Variants in SLC12A2 observed in about 807,000 individuals in gnomAD.
SLC12A2 encodes solute carrier family 12 member 2.
A neutral mutation model predicts 136.3 loss-of-function variants in SLC12A2; 67 were observed. That is an observed-to-expected ratio of 0.49 (90% confidence interval 0.40 to 0.60). SLC12A2 has a LOEUF of 0.60. Ranked by LOEUF, SLC12A2 falls within the 20% of genes least tolerant of loss-of-function variation. The pLI, the probability that SLC12A2 is intolerant of heterozygous loss-of-function variation, is 0.00. For missense variants in SLC12A2, 1,322 were observed against 1,534.7 expected (o/e 0.86, Z 2.32); for synonymous variants, 619 against 562.9 (o/e 1.10, Z -1.41).
intron 2 of SLC12A2, 57 bp downstream of exon 2, chr5:128,112,990 T>C: frequency 1.4e-6 from 2 of 1,422,218 alleles, no homozygotes; most frequent in Non-Finnish European, 9.5e-7. Context: ...TTATAAAATC[T>C]TCCTAACGTT....
chr5:128,171,755 T>C lies in SLC12A2; in HGVS notation c.2803+9T>C, dbSNP rs1352114603. 2.2e-5 allele frequency: 33 copies of C among 1,533,500 alleles called. No individual in the cohort carries two copies. Among genetic ancestry groups the C allele is most frequent in the Non-Finnish European group, 2.6e-5 (30 of 1,135,426 alleles). The allele number at this position is 1,533,500 out of a possible 1,614,324, so 95.0% of individuals were successfully genotyped here. A position where few individuals can be genotyped will look rare whatever the true frequency, so the allele number is the denominator to read the frequency against. On this transcript the variant is annotated intron_variant, in intron 19 of 26. Transcript: ENST00000262461. ...TCATCTTCAAGGACAAGGTAAATTT[T>C]GTTGGCAATAAGTTTTTTATTTACA...
intron 4 of SLC12A2, among the ~76,000 whole-genome samples, chr5:128,119,860 G>A (rs1388443684): frequency 6.6e-6 from 1 of 152,134 alleles, no homozygotes; most frequent in Non-Finnish European, 1.5e-5. Flanking sequence ...TGACAAATGG[G>A]ATCTAATTAA....
At chr5:128,111,544 T>TC (rs1349379580) in intron 1 of SLC12A2, among the ~76,000 whole-genome samples, 5 of 152,026 alleles carry the variant, frequency 3.3e-5, no homozygotes, top group African/African-American at 1.2e-4. Context: ...GGCGGGCAGA[T>TC]CACGAGGTCA....
At chr5:128,127,589 T>C (rs191126372) in intron 4 of SLC12A2, among the ~76,000 whole-genome samples, 1 of 151,518 alleles carries the variant, frequency 6.6e-6, no homozygotes, top group Non-Finnish European at 1.5e-5. Context: ...TTGGCAGGAG[T>C]GCTTATCACA....
intron 1 of SLC12A2, among the ~76,000 whole-genome samples, chr5:128,088,029 G>A (rs563008369): frequency 1.3e-5 from 2 of 151,584 alleles, no homozygotes; most frequent in East Asian, 3.9e-4. Flanking sequence ...GTGTGTGTGT[G>A]TGTGTGTGTG....
intron 7 of SLC12A2, among the ~76,000 whole-genome samples, chr5:128,137,952 T>C (rs76089861): frequency 6.6e-5 from 10 of 151,584 alleles, no homozygotes; most frequent in Non-Finnish European, 1.2e-4. Context: ...TTTTTTTTTT[T>C]CTTGAGATGG....
At chr5:128,097,509 GT>G (rs370459773) in intron 1 of SLC12A2, among the ~76,000 whole-genome samples, 49 of 151,976 alleles carry the variant, frequency 3.2e-4, no homozygotes, top group African/African-American at 1.1e-3. Flanking sequence ...TCTATTACCT[GT>G]TTTTTGTTTC....
intron 4 of SLC12A2, among the ~76,000 whole-genome samples, chr5:128,120,161 A>G (rs534334687): frequency 3.9e-4 from 59 of 152,300 alleles, no homozygotes; most frequent in African/African-American, 1.1e-3. Context: ...ACAATGAGAT[A>G]CCATCTCACA....
At chr5:128,140,768 G>T (rs1323962147) in intron 9 of SLC12A2, among the ~76,000 whole-genome samples, 1 of 151,926 alleles carries the variant, frequency 6.6e-6, no homozygotes, top group Admixed American at 6.6e-5. Flanking sequence ...TTACTTTAGG[G>T]CTGGGGGGAT....
intron 1 of SLC12A2, among the ~76,000 whole-genome samples, chr5:128,087,224 T>G (rs980438323): frequency 6.6e-6 from 1 of 152,192 alleles, no homozygotes; most frequent in African/African-American, 2.4e-5. Context: ...CTAGGACCAG[T>G]AGGCATGAGT....
At chr5:128,102,537 C>G (rs1477469306) in intron 1 of SLC12A2, among the ~76,000 whole-genome samples, 2 of 142,670 alleles carry the variant, frequency 1.4e-5, no homozygotes, top group Non-Finnish European at 3.0e-5. Flanking sequence ...CTTTTGTTCA[C>G]TCTTAGTTTG....
At chr5:128,110,408 GA>G (rs748291551) in intron 1 of SLC12A2, 1 of 1,042,270 alleles carries the variant, frequency 9.6e-7, no homozygotes, top group Non-Finnish European at 1.5e-6. Context: ...CAGCTGTCTT[GA>G]GAGGGCAAGA....
Position 128,083,979 on chromosome 5 carries a change from T to A in SLC12A2, c.25T>A (p.Ser9Thr). The change falls in exon 1 of 27, where the codon TCC becomes ACC. Residue 9 changes from serine (S) to threonine (T), a missense_variant. Around this residue, in one of 8 missense-constraint regions of SLC12A2, gnomAD observed 358 missense variants for 299.7 expected, o/e 1.19. Transcript: ENST00000262461. MEPRPTAP[S>T]SGAPGLAGVG... is the part of the protein sequence containing the mutation. ...TATGGAGCCGCGGCCCACGGCGCCC[T>A]CCTCCGGCGCCCCGGGACTGGCCGG... is the stretch of plus-strand genomic sequence containing the variant. The A allele has an allele frequency of 8.1e-7, 1 of 1,241,320 alleles. No homozygotes were observed. The highest frequency in any genetic ancestry group is 1.0e-6 in the Non-Finnish European group (1 of 993,122). 76.9% of individuals were successfully genotyped at this position (1,241,320 alleles called of 1,614,324 possible). A position where few individuals can be genotyped will look rare whatever the true frequency, so the allele number is the denominator to read the frequency against.
intron 4 of SLC12A2, among the ~76,000 whole-genome samples, chr5:128,128,862 A>G (rs183056134): frequency 1.7e-4 from 26 of 152,012 alleles, no homozygotes; most frequent in Non-Finnish European, 3.1e-4. Context: ...AATAGGGCAA[A>G]TAACTGTTGA....
Position 128,141,974 on chromosome 5 carries a change from A to G in SLC12A2, c.1766A>G (p.Asn589Ser). 1.2e-6 allele frequency: 2 copies of G among 1,613,568 alleles called. No individual in the cohort carries two copies. Among genetic ancestry groups the G allele is most frequent in the Non-Finnish European group, 1.7e-6 (2 of 1,179,656 alleles). ...CCTTGTTCCTATGGCCTAATGAACA[A>G]CTTCCAGGTGAGCATTGACTTTGTA... Reference protein sequence around the residue: ...SSPCSYGLMNNFQVMSMVSGF... With the variant: ...SSPCSYGLMNSFQVMSMVSGF... Residue 589 changes from asparagine to serine, a missense_variant, in exon 10 of 27, where the codon AAC becomes AGC. Transcript: ENST00000262461.
intron 2 of SLC12A2, 106 bp downstream of exon 2, chr5:128,113,039 T>A: frequency 1.0e-6 from 1 of 999,084 alleles, no homozygotes; most frequent in Non-Finnish European, 1.4e-6. Context: ...TTCTCTATGT[T>A]AACTGTCTTA....
intron 1 of SLC12A2, among the ~76,000 whole-genome samples, chr5:128,090,381 G>A (rs1474287710): frequency 6.6e-6 from 1 of 152,156 alleles, no homozygotes; most frequent in African/African-American, 2.4e-5. Context: ...TGGTTCTTAT[G>A]TGTGGAGTGT....
At position 128,114,551 on chromosome 5, in the gene SLC12A2, G is replaced by A. The variant is rs60090361; in HGVS notation, c.953-35G>A. 1.3e-4 allele frequency: 172 copies of A among 1,364,000 alleles called. No homozygotes were observed. The East Asian group carries it at 2.0e-3, about 16-fold the overall frequency. The allele number at this position is 1,364,000 out of a possible 1,614,324, so 84.5% of individuals were successfully genotyped here. A position where few individuals can be genotyped will look rare whatever the true frequency, so the allele number is the denominator to read the frequency against. ...GATACCGATGAGCTTAAACAAGAGT[G>A]TAAGTATTCTCATTGTCTTTCTTTC... On this transcript the variant is annotated intron_variant, in intron 3 of 26. Transcript: ENST00000262461.
intron 19 of SLC12A2, among the ~76,000 whole-genome samples, chr5:128,172,171 T>A (rs747827863): frequency 2.0e-5 from 3 of 152,226 alleles, no homozygotes; most frequent in Non-Finnish European, 2.9e-5. Flanking sequence ...ACGTTTTCTA[T>A]CTTCAGCAGA....
Sources: gnomAD v4.1 joint callset for allele counts (sites outside exome capture counted in the v4.1 genomes callset) on GRCh38, gnomAD v4.1.1 for gene constraint, gnomAD v4.1.1 regional missense constraint, MANE v1.5 for transcripts, NCBI Gene and HGNC (gene_info 2026-07-23, HGNC 2026-07-21) for gene names.